The following GCNT2 variants were observed in gnomAD, a reference collection of about 807,000 sequenced individuals.
GCNT2 encodes the protein N-acetyllactosaminide beta-1,6-N-acetylglucosaminyl-transferase.
In GCNT2, 34 loss-of-function variants were observed where a neutral mutation model predicts 34.2. The ratio of observed to expected loss-of-function variants is 1.00; its 90% CI spans 0.76 to 1.32. The LOEUF (loss-of-function observed/expected upper bound fraction) is 1.32. Ranked by LOEUF, GCNT2 falls within the 40% of genes most tolerant of loss-of-function variation. The probability of loss-of-function intolerance (pLI) is 0.00; values close to 1 mark genes in which losing one functional copy is unlikely to be tolerated. For synonymous variants in GCNT2, 212 were observed against 188.0 expected (o/e 1.13, Z -1.04); for missense variants, 584 against 489.4 (o/e 1.19, Z -1.82).
intron 3 of GCNT2, among the ~76,000 whole-genome samples, chr6:10,544,112 G>A (rs375710724): frequency 3.3e-5 from 5 of 152,066 alleles, no homozygotes; most frequent in Non-Finnish European, 5.9e-5. Flanking sequence ...TCAGGAGTTC[G>A]AGACCAGCCT....
chr6:10,568,850 A>G (rs182021828), intron 3 of GCNT2, among the ~76,000 whole-genome samples: 81 of 152,202 alleles, frequency 5.3e-4, no homozygotes, highest in African/African-American at 2.0e-3. Context: ...CTCCATTTAA[A>G]TAATGGCCTT....
chr6:10,532,602 G>A (rs1389848118), intron 3 of GCNT2, among the ~76,000 whole-genome samples: 1 of 152,112 alleles, frequency 6.6e-6, no homozygotes, highest in African/African-American at 2.4e-5. Flanking sequence ...CTTCCAAGAG[G>A]CTGGGACTAC....
chr6:10,594,940 GGCTCAA>G (rs138001841), intron 3 of GCNT2, among the ~76,000 whole-genome samples: 2,186 of 151,936 alleles, frequency 0.014, 49 homozygotes, highest in African/African-American at 0.051. Flanking sequence ...CGACTTCCCA[GGCTCAA>G]GCAATTCTCC....
intron 3 of GCNT2, among the ~76,000 whole-genome samples, chr6:10,542,685 C>A (rs1045562002): frequency 6.6e-6 from 1 of 152,150 alleles, no homozygotes; most frequent in African/African-American, 2.4e-5. Context: ...ATCAGTACTT[C>A]ACTTTTTATA....
chr6:10,523,047 G>A (rs546416722), intron 1 of GCNT2, among the ~76,000 whole-genome samples: 7 of 152,270 alleles, frequency 4.6e-5, no homozygotes, highest in Admixed American at 2.0e-4. Context: ...TTAAGGCCTC[G>A]ACTCCGCCTA....
At chr6:10,586,418 A>C (rs1764349398) in intron 3 of GCNT2, 2 of 1,614,070 alleles carry the variant, frequency 1.2e-6, no homozygotes, top group African/African-American at 2.7e-5. Context: ...TGAGGCAGTT[A>C]CTGAGTTGCT....
intron 3 of GCNT2, chr6:10,556,412 C>T: frequency 1.9e-6 from 3 of 1,613,596 alleles, no homozygotes; most frequent in Non-Finnish European, 2.5e-6. Context: ...ACATTTCACC[C>T]TTCTTTGAGG....
chr6:10,569,124 G>T (rs367637960), intron 3 of GCNT2, among the ~76,000 whole-genome samples: 1 of 151,896 alleles, frequency 6.6e-6, no homozygotes, highest in South Asian at 2.1e-4. Flanking sequence ...AATATTTATT[G>T]AATTGAGTCA....
At chr6:10,610,436 A>G (rs535180984) in intron 3 of GCNT2, among the ~76,000 whole-genome samples, 76 of 152,158 alleles carry the variant, frequency 5.0e-4, no homozygotes, top group Non-Finnish European at 9.8e-4. Context: ...AAAATTATAA[A>G]CAGCAGAGAT....
intron 3 of GCNT2, among the ~76,000 whole-genome samples, chr6:10,549,563 CT>C (rs33909973): frequency 0.065 from 6,787 of 103,668 alleles, 490 homozygotes; most frequent in African/African-American, 0.13. Flanking sequence ...ATCTCTCTCT[CT>C]TTTTTTTTTT....
intron 3 of GCNT2, among the ~76,000 whole-genome samples, chr6:10,583,536 C>T (rs930213250): frequency 2.6e-5 from 4 of 152,184 alleles, no homozygotes; most frequent in African/African-American, 4.8e-5. Flanking sequence ...ACATTGGCTG[C>T]GAGATCGCTT....
At chr6:10,581,963 TATA>T (rs1764085698) in intron 3 of GCNT2, 1 of 398,788 alleles carries the variant, frequency 2.5e-6, no homozygotes, top group African/African-American at 2.3e-5. Context: ...AAAATAGTAA[TATA>T]TATATATACA....
At chr6:10,625,518 T>TAA (rs572557483) in intron 4 of GCNT2, among the ~76,000 whole-genome samples, 1 of 145,650 alleles carries the variant, frequency 6.9e-6, no homozygotes, top group Non-Finnish European at 1.5e-5. Context: ...CTATTGAGGT[T>TAA]AAAAAAAAAA....
At chr6:10,541,835 G>C (rs945249144) in intron 3 of GCNT2, among the ~76,000 whole-genome samples, 5 of 152,154 alleles carry the variant, frequency 3.3e-5, no homozygotes. Flanking sequence ...AGTTGGTCTT[G>C]CTCCTAAATC....
chr6:10,588,436 G>A (rs1338549311), intron 3 of GCNT2, among the ~76,000 whole-genome samples: 1 of 152,204 alleles, frequency 6.6e-6, no homozygotes, highest in East Asian at 1.9e-4. Flanking sequence ...ATGAGGCTTA[G>A]AGAGACTGAA....
rs1561816761 is a variant in GCNT2 at position 10,582,466 on chromosome 6, TA to T, written c.926-38883del. 2.7e-3 allele frequency among the ~76,000 whole-genome samples: 300 copies of T among 112,968 alleles called. 8 individuals are homozygous for T. Among genetic ancestry groups the T allele is most frequent in the African/African-American group, 0.011 (275 of 24,276 alleles). The allele number at this position is 112,968 out of a possible 152,430, so 74.1% of individuals were successfully genotyped here. A position where few individuals can be genotyped will look rare whatever the true frequency, so the allele number is the denominator to read the frequency against. ...TATTATATAATATATATAATAAATA[TA>T]ATATATACTATAATATATACTATAA... On this transcript the variant is annotated intron_variant, in intron 3 of 4. Transcript: ENST00000495262.
chr6:10,557,053 T>G lies in GCNT2; in HGVS notation c.925+27217T>G, dbSNP rs148372193. 3.1e-4 allele frequency: 493 copies of G among 1,610,412 alleles called. 4 individuals are homozygous for G. In the African/African-American group the frequency reaches 4.7e-3, roughly 15 times the overall value. On this transcript the variant is annotated intron_variant, in intron 3 of 4. Transcript: ENST00000495262. ...TTCAGTATCTGAAAGGATTTAAAGG[T>G]AAAAATATCACCCCAGGGGTGCTGC...
chr6:10,557,667 A>G (rs545978180), intron 3 of GCNT2, among the ~76,000 whole-genome samples: 1 of 151,970 alleles, frequency 6.6e-6, no homozygotes, highest in Non-Finnish European at 1.5e-5. Flanking sequence ...TTTAAAAAAA[A>G]TTTTGTGCAG....
At chr6:10,567,969 T>C (rs563325801) in intron 3 of GCNT2, among the ~76,000 whole-genome samples, 1 of 152,210 alleles carries the variant, frequency 6.6e-6, no homozygotes, top group South Asian at 2.1e-4. Context: ...ATCTTCTTGC[T>C]TACTGACTAT....
Sources: allele counts gnomAD v4.1 joint callset (sites outside exome capture counted in the v4.1 genomes callset), GRCh38; gene constraint gnomAD v4.1.1; transcripts MANE v1.5; gene names NCBI Gene and HGNC (gene_info 2026-07-23, HGNC 2026-07-21).